The following KLHL36 variants were observed in gnomAD, a reference collection of about 807,000 sequenced individuals.
The protein encoded by KLHL36 is kelch-like protein 36.
KLHL36 carries 35 observed loss-of-function variants against 53.3 expected under a neutral mutation model. That is an observed-to-expected ratio of 0.66 (90% CI 0.50 to 0.87). KLHL36 has a LOEUF of 0.87. KLHL36 is among the 40% of genes least tolerant of loss of function. The pLI is 0.00. For missense variants in KLHL36, 864 were observed against 897.6 expected, an observed-to-expected ratio of 0.96 and a Z score of 0.48; for synonymous variants, 472 against 398.9, an observed-to-expected ratio of 1.18 and a Z score of -2.18.
intron 2 of KLHL36, among the ~76,000 whole-genome samples, chr16:84,652,394 C>T (rs2604943): frequency 6.6e-6 from 1 of 152,068 alleles, no homozygotes; most frequent in South Asian, 2.1e-4. Flanking sequence ...CCTCAGCCTC[C>T]TGAGGAGCTG....
rs1334967954 is a variant in KLHL36 at position 84,661,391 on chromosome 16, C to T, written c.1296-187C>T. 6.6e-6 allele frequency among the ~76,000 whole-genome samples: 1 copy of T among 152,186 alleles called. No individual in the cohort carries two copies. The highest frequency in any genetic ancestry group is 1.5e-5 in the Non-Finnish European group (1 of 68,024). ...GGCCTGACTGCAAAGCTGTCCACTTCCCCGCCCTGCCCTGCCATTTCTTTG... is the reference window on the plus strand; with the variant it reads ...GGCCTGACTGCAAAGCTGTCCACTTTCCCGCCCTGCCCTGCCATTTCTTTG... On this transcript the variant is annotated intron_variant, in intron 4 of 4. Transcript: ENST00000564996. The surrounding 1 kb of genome is among the most constrained non-coding windows in gnomAD (Gnocchi z 7.9).
intron 2 of KLHL36, among the ~76,000 whole-genome samples, chr16:84,655,757 C>A (rs1335897283): frequency 1.3e-5 from 2 of 151,894 alleles, no homozygotes; most frequent in Non-Finnish European, 2.9e-5. Flanking sequence ...TAATAGCCCT[C>A]GGTCAGTTTT....
intron 2 of KLHL36, among the ~76,000 whole-genome samples, chr16:84,654,072 A>C: frequency 6.6e-6 from 1 of 152,070 alleles, no homozygotes; most frequent in Non-Finnish European, 1.5e-5. Context: ...GGCTTTCCCC[A>C]GTCCTGCCCC....
rs927772833 is a variant in KLHL36, at chr16:84,667,074, A to T, written c.*4941A>T. 1.4e-5 allele frequency: 1 copy of T among 72,642 alleles called. No individual in the cohort carries two copies. The allele number at this position is 72,642 out of a possible 1,614,324, so 4.5% of individuals were successfully genotyped here. On this transcript the variant is annotated 3_prime_UTR_variant, in exon 5 of 5. Coordinates refer to ENST00000564996, the MANE Select transcript of KLHL36 (RefSeq NM_024731.4). The stretch of plus-strand genomic sequence containing the variant: ...AAGACTGTCTCAAAAAAAAAAAAAA[A>T]AAAGAAAAGAAATTGTCCTTTGGTT...
rs1437511801 is a variant in KLHL36, at chr16:84,657,302, C to A, written c.495C>A (p.Ala165=). The change falls in exon 3 of 5, where the codon GCC becomes GCA. Residue 165 remains alanine, a synonymous_variant. Transcript: ENST00000564996. ...TCTACAGCCTCAAGCGGCTTGATGC[C>A]TTCATCGATGGCTTCATCCTGAACC... ...ASIYSLKRLD[A]FIDGFILNHF... is the part of the protein sequence containing the mutation. The A allele has an allele frequency of 3.7e-6, 6 of 1,613,822 alleles. No individual in the cohort carries two copies. The South Asian group carries it at 5.5e-5, about 15-fold the overall frequency.
chr16:84,649,299 G>C (rs2150715415), intron 1 of KLHL36: 1 of 152,438 alleles, frequency 6.6e-6, no homozygotes, highest in East Asian at 1.9e-4. Context: ...GGAGCCTCCG[G>C]CCCCGCGAAC....
rs117825597 is a variant in KLHL36, at chr16:84,660,291, G to A, written c.1295+374G>A. ...AGCCTCAGGCATGGGTCTTCACCCC[G>A]CTCGGCCTTTAGTTCCTCATCTGTA... On this transcript the variant is annotated intron_variant, in intron 4 of 4. Transcript: ENST00000564996. 4.6e-5 allele frequency among the ~76,000 whole-genome samples: 7 copies of A among 152,216 alleles called. No individual in the cohort carries two copies. The East Asian group carries it at 5.8e-4, about 13-fold the overall frequency.
In KLHL36 at chr16:84,661,789, G is replaced by A; in HGVS notation, c.1507G>A (p.Asp503Asn). The A allele has an allele frequency of 6.2e-7, 1 of 1,612,478 alleles. No homozygotes were observed. Among genetic ancestry groups the A allele is most frequent in the African/African-American group, 1.3e-5 (1 of 75,008 alleles). ...CATCTACTCCATCGGGGGCAGCGAT[G>A]ACAACATCGAGTCCATGGAGCGCTT... The part of the protein sequence containing the change: ...DSIYSIGGSD[D>N]NIESMERFDV... The change falls in exon 5 of 5, where the codon GAC (aspartate) becomes AAC (asparagine). Residue 503 changes from aspartate to asparagine, a missense_variant. Coordinates refer to ENST00000564996, the MANE Select transcript of KLHL36 (RefSeq NM_024731.4). This position sits in a 1 kb window ranked among gnomAD's most constrained non-coding sequence, Gnocchi z 7.9.
At chr16:84,653,926 T>G (rs1019789062) in intron 2 of KLHL36, among the ~76,000 whole-genome samples, 1 of 151,632 alleles carries the variant, frequency 6.6e-6, no homozygotes, top group African/African-American at 2.4e-5. Context: ...CAGAAGCAGA[T>G]TGCAGCTGAT....
chr16:84,664,167 G>C lies in KLHL36; in HGVS notation c.*2034G>C, dbSNP rs1907712475. 1 of 152,176 alleles carries C rather than the reference G, an allele frequency of 6.6e-6. No individual in the cohort carries two copies. The highest frequency in any genetic ancestry group is 1.5e-5 in the Non-Finnish European group (1 of 68,052). The allele number at this position is 152,176 out of a possible 1,614,324, so 9.4% of individuals were successfully genotyped here. On this transcript the variant is annotated 3_prime_UTR_variant, in exon 5 of 5. Coordinates refer to ENST00000564996, the MANE Select transcript of KLHL36 (RefSeq NM_024731.4). ...TTTTGCAGAACTTCTGCCAACTTTG[G>C]GATAGCTTACCCCCTTCCTATTCGG...
intron 1 of KLHL36, among the ~76,000 whole-genome samples, chr16:84,649,970 C>T (rs1906746297): frequency 1.4e-5 from 2 of 145,762 alleles, no homozygotes; most frequent in Admixed American, 6.9e-5. Flanking sequence ...CCCCCTGCCT[C>T]CCCCGCCCCC....
intron 2 of KLHL36, among the ~76,000 whole-genome samples, chr16:84,655,531 C>T (rs907122166): frequency 1.1e-4 from 17 of 151,608 alleles, no homozygotes; most frequent in Middle Eastern, 3.4e-3. Context: ...AGTGAGACCT[C>T]GTCTCTACAA....
At chr16:84,651,511 T>A (rs974895349) in intron 2 of KLHL36, among the ~76,000 whole-genome samples, 7 of 152,344 alleles carry the variant, frequency 4.6e-5, no homozygotes, top group Non-Finnish European at 8.8e-5. Context: ...TGCTATACTT[T>A]CCACAAACTC....
intron 2 of KLHL36, among the ~76,000 whole-genome samples, chr16:84,655,515 C>T (rs1048017556): frequency 9.9e-5 from 15 of 151,292 alleles, no homozygotes; most frequent in South Asian, 4.2e-4. Context: ...AGGTCAAGGG[C>T]GACATAGTGA....
Position 84,661,600 on chromosome 16 carries a change from A to G in KLHL36, c.1318A>G (p.Thr440Ala). 6.2e-7 allele frequency: 1 copy of G among 1,601,006 alleles called. No homozygotes were observed. Among genetic ancestry groups the G allele is most frequent in the Non-Finnish European group, 8.5e-7 (1 of 1,171,536 alleles). Residue 440 changes from threonine to alanine, a missense_variant, in exon 5 of 5, where the codon ACC becomes GCC. Transcript: ENST00000564996. This position sits in a 1 kb window ranked among gnomAD's most constrained non-coding sequence, Gnocchi z 7.9. ...LPRFTYGHAG[T>A]IYKDFVYISG... ...CAGGTTCACGTACGGCCACGCGGGC[A>G]CCATCTACAAAGACTTCGTGTACAT... is the stretch of plus-strand genomic sequence containing the variant.
intron 2 of KLHL36, among the ~76,000 whole-genome samples, chr16:84,651,669 T>C (rs1458251097): frequency 6.6e-6 from 1 of 152,212 alleles, no homozygotes. Flanking sequence ...TTACCTCAGA[T>C]CATGGATTCT....
In KLHL36 at chr16:84,662,860, CCTT is replaced by C. The variant is rs66872205; in HGVS notation, c.*731_*733del. 0.2 allele frequency: 29,722 copies of C among 152,044 alleles called. 3,448 individuals are homozygous for C. Among genetic ancestry groups the C allele is most frequent in the Admixed American group, 0.34 (5,144 of 15,256 alleles). 9.4% of individuals were successfully genotyped at this position (152,044 alleles called of 1,614,324 possible). A position where few individuals can be genotyped will look rare whatever the true frequency, so the allele number is the denominator to read the frequency against. ...TAATTCCGTCTTTCCTCATTGGAAA[CCTT>C]CTTGAATTCTAAAACGTTACAGGTA... On this transcript the variant is annotated 3_prime_UTR_variant, in exon 5 of 5. Coordinates refer to ENST00000564996, the MANE Select transcript of KLHL36 (RefSeq NM_024731.4).
At chr16:84,659,471 C>T (rs982793253) in intron 3 of KLHL36, 3 of 363,098 alleles carry the variant, frequency 8.3e-6, no homozygotes, top group East Asian at 1.0e-4. Context: ...TTCCCATCCA[C>T]GCGGCTAACG....
intron 2 of KLHL36, among the ~76,000 whole-genome samples, chr16:84,651,924 G>C (rs1906908382): frequency 6.6e-6 from 1 of 152,158 alleles, no homozygotes; most frequent in African/African-American, 2.4e-5. Flanking sequence ...GCTGGCAGCA[G>C]CCTATAGAGT....
Sources: allele counts gnomAD v4.1 joint callset (sites outside exome capture counted in the v4.1 genomes callset), GRCh38; gene constraint gnomAD v4.1.1; non-coding constraint Gnocchi (gnomAD v3.1); transcripts MANE v1.5; gene names NCBI Gene and HGNC (gene_info 2026-07-23, HGNC 2026-07-21).